RIMBP2: variants seen among roughly 807,000 people sequenced by gnomAD.
RIMBP2 encodes RIMS-binding protein 2.
RIMBP2 carries 48 observed loss-of-function variants against 118.6 expected under a neutral mutation model. That is an observed-to-expected ratio of 0.40 (90% CI 0.32 to 0.51). The LOEUF is 0.51. Ranked by LOEUF, RIMBP2 falls within the 20% of genes least tolerant of loss-of-function variation. RIMBP2 has a pLI of 0.41. For missense variants in RIMBP2, 1,551 were observed against 1,768.3 expected, an observed-to-expected ratio of 0.88 and a Z score of 2.20; for synonymous variants, 762 against 742.9, an observed-to-expected ratio of 1.03 and a Z score of -0.42.
intron 21 of RIMBP2, among the ~76,000 whole-genome samples, chr12:130,401,766 TC>T (rs760584320): frequency 6.6e-6 from 1 of 151,836 alleles, no homozygotes; most frequent in Non-Finnish European, 1.5e-5. Context: ...ACCAGTCAAG[TC>T]CCCCCTCATT....
rs549652539 is a variant in RIMBP2 at position 130,581,493 on chromosome 12, A to G, written c.-217+46829T>C. ...TCCCAGTGGAGGTCTCAGAGGCATC[A>G]TAAGAGCATCCAGAATGAAGCCGAG... On this transcript the variant is annotated intron_variant, in intron 2 of 22. Coordinates refer to ENST00000690449, the MANE Select transcript of RIMBP2 (RefSeq NM_001393629.1). The surrounding 1 kb of genome is among the most constrained non-coding windows in gnomAD (Gnocchi z 4.4). Among the ~76,000 whole-genome samples the G allele has an allele frequency of 5.3e-5, 8 of 152,314 alleles. No individual in the cohort carries two copies. The highest frequency in any genetic ancestry group is 1.7e-4 in the African/African-American group (7 of 41,564).
At chr12:130,609,046 A>G (rs7967237) in intron 2 of RIMBP2, among the ~76,000 whole-genome samples, 120,796 of 152,098 alleles carry the variant, frequency 0.79, 48,089 homozygotes, top group South Asian at 0.86. Context: ...TCTGTGCCTG[A>G]CTGATGACTT....
At chr12:130,553,793 G>T (rs1047728662) in intron 2 of RIMBP2, among the ~76,000 whole-genome samples, 5 of 152,208 alleles carry the variant, frequency 3.3e-5, no homozygotes, top group African/African-American at 9.7e-5. Context: ...ACATAGAGCT[G>T]CCAGGTGGCA....
intron 2 of RIMBP2, among the ~76,000 whole-genome samples, chr12:130,588,780 C>T (rs979908611): frequency 6.6e-6 from 1 of 152,156 alleles, no homozygotes; most frequent in Non-Finnish European, 1.5e-5. Context: ...CGGTTCATTC[C>T]CAGATGAAAC....
At chr12:130,435,189 G>A (rs569950291) in intron 13 of RIMBP2, among the ~76,000 whole-genome samples, 1 of 152,240 alleles carries the variant, frequency 6.6e-6, no homozygotes, top group Non-Finnish European at 1.5e-5. Flanking sequence ...GAGACTACAA[G>A]CATGCACCAC....
chr12:130,669,787 G>A (rs1187743201), intron 1 of RIMBP2, among the ~76,000 whole-genome samples: 1 of 152,098 alleles, frequency 6.6e-6, no homozygotes, highest in Non-Finnish European at 1.5e-5. Flanking sequence ...CTTTCCGAGT[G>A]TGCCAGGATT....
chr12:130,615,661 G>A (rs977454592), intron 2 of RIMBP2, among the ~76,000 whole-genome samples: 1 of 152,074 alleles, frequency 6.6e-6, no homozygotes, highest in African/African-American at 2.4e-5. Flanking sequence ...CTAGCTGTGG[G>A]GATACAGGTG....
chr12:130,454,240 T>A (rs2137449345), intron 7 of RIMBP2, among the ~76,000 whole-genome samples: 1 of 152,388 alleles, frequency 6.6e-6, no homozygotes, highest in African/African-American at 2.4e-5. Context: ...TCGGATCAAG[T>A]TGTATACCTT....
chr12:130,496,678 A>G (rs2049196491), intron 4 of RIMBP2, among the ~76,000 whole-genome samples: 2 of 152,120 alleles, frequency 1.3e-5, no homozygotes, highest in Admixed American at 6.5e-5. Flanking sequence ...CCCGCTCCCC[A>G]GAAAGTGACC....
chr12:130,641,825 G>A lies in RIMBP2; in HGVS notation c.-351-13369C>T, dbSNP rs77712755. 7.6e-3 allele frequency among the ~76,000 whole-genome samples: 1,158 copies of A among 152,204 alleles called. 11 individuals are homozygous for A. Among genetic ancestry groups the A allele is most frequent in the African/African-American group, 0.027 (1,107 of 41,530 alleles). Reference sequence around the variant, plus strand: ...GTCAACACAGCAAGGGGTGCCGAGCGTGGCTGCACCGGGCTGGGCCCCTCA... The same window carrying A: ...GTCAACACAGCAAGGGGTGCCGAGCATGGCTGCACCGGGCTGGGCCCCTCA... On this transcript the variant is annotated intron_variant, in intron 1 of 22. Transcript: ENST00000690449.
At chr12:130,466,825 T>C (rs1466400777) in intron 6 of RIMBP2, among the ~76,000 whole-genome samples, 1 of 152,082 alleles carries the variant, frequency 6.6e-6, no homozygotes, top group Non-Finnish European at 1.5e-5. Flanking sequence ...GAGACAAAGG[T>C]ATATCTGATT....
Position 130,438,431 on chromosome 12 carries a change from C to G in RIMBP2, c.1590G>C (p.Leu530=). ...TIRVSWRPPV[L]TPTGLSNGAN... is the part of the protein sequence containing the mutation. ...CGCCATTGGACAGCCCGGTGGGCGT[C>G]AGCACAGGTGGTCTCCAGGAGACCC... is the stretch of plus-strand genomic sequence containing the variant. The change falls in exon 12 of 23, where the codon CTG becomes CTC. Residue 530 remains leucine (L), a synonymous_variant. Coordinates refer to ENST00000690449, the MANE Select transcript of RIMBP2 (RefSeq NM_001393629.1). 2 of 1,604,926 alleles carry G rather than the reference C, an allele frequency of 1.2e-6. No individual in the cohort carries two copies. The highest frequency in any genetic ancestry group is 1.7e-6 in the Non-Finnish European group (2 of 1,175,718).
At chr12:130,584,219 AC>A (rs549324468) in intron 2 of RIMBP2, among the ~76,000 whole-genome samples, 54 of 104,326 alleles carry the variant, frequency 5.2e-4, no homozygotes, top group African/African-American at 2.0e-3. Context: ...TCACCTCACC[AC>A]CACCATCACT....
At chr12:130,580,227 A>T (rs1295786378) in intron 2 of RIMBP2, among the ~76,000 whole-genome samples, 3 of 151,220 alleles carry the variant, frequency 2.0e-5, no homozygotes, top group Non-Finnish European at 4.4e-5. Context: ...TATTGACCCC[A>T]TATGGTTTGG....
intron 4 of RIMBP2, among the ~76,000 whole-genome samples, chr12:130,501,053 C>T (rs922916421): frequency 1.6e-4 from 24 of 152,168 alleles, no homozygotes; most frequent in African/African-American, 2.9e-4. Flanking sequence ...GACCCTGAAC[C>T]GCACATCCCC....
At chr12:130,626,215 T>C (rs1168471993) in intron 2 of RIMBP2, among the ~76,000 whole-genome samples, 1 of 152,222 alleles carries the variant, frequency 6.6e-6, no homozygotes, top group African/African-American at 2.4e-5. Flanking sequence ...TTCTGCCTTC[T>C]TCTATGGAAA....
chr12:130,686,733 G>T (rs11061084), intron 1 of RIMBP2, among the ~76,000 whole-genome samples: 5 of 152,334 alleles, frequency 3.3e-5, no homozygotes, highest in Non-Finnish European at 5.9e-5. Context: ...TCCCTCGACA[G>T]GCGTGAGGGG....
Position 130,469,146 on chromosome 12 carries a change from T to C in RIMBP2, c.153+1547A>G, listed in dbSNP as rs1235630489. 6.6e-6 allele frequency: 1 copy of C among 152,656 alleles called. No individual in the cohort carries two copies. Among genetic ancestry groups the C allele is most frequent in the East Asian group, 1.9e-4 (1 of 5,198 alleles). The allele number at this position is 152,656 out of a possible 1,614,324, so 9.5% of individuals were successfully genotyped here. On this transcript the variant is annotated intron_variant, in intron 6 of 22. Transcript: ENST00000690449. This position sits in a 1 kb window ranked among gnomAD's most constrained non-coding sequence, Gnocchi z 4.8. ...GCAGGGAAGATGCTATTCTCTAGAA[T>C]ACCTGCATGCTGTCCAAGGTGTTCT... is the stretch of plus-strand genomic sequence containing the variant.
intron 4 of RIMBP2, among the ~76,000 whole-genome samples, chr12:130,495,925 C>A (rs7979651): frequency 0.26 from 39,266 of 152,188 alleles, 5,481 homozygotes; most frequent in Non-Finnish European, 0.29. Flanking sequence ...TGAACTCAGA[C>A]TGGTCTAACT....
Sources: gnomAD v4.1 joint callset for allele counts (sites outside exome capture counted in the v4.1 genomes callset) on GRCh38, gnomAD v4.1.1 for gene constraint, Gnocchi (gnomAD v3.1) non-coding constraint, MANE v1.5 for transcripts, NCBI Gene and HGNC (gene_info 2026-07-23, HGNC 2026-07-21) for gene names.